The following MTMR3 variants were observed in gnomAD, a reference collection of about 807,000 sequenced individuals.
The protein encoded by MTMR3 is phosphatidylinositol-3,5-bisphosphate 3-phosphatase MTMR3.
Under a neutral mutation model 132.4 loss-of-function variants are expected in MTMR3, and 32 were observed. That is an observed-to-expected ratio of 0.24 (90% CI 0.18 to 0.32). The LOEUF (loss-of-function observed/expected upper bound fraction) is 0.32. Among genes scored for constraint, MTMR3 ranks in the 10% least tolerant of loss-of-function variants. The pLI, the probability that MTMR3 is intolerant of heterozygous loss-of-function variation, is 1.00. For synonymous variants in MTMR3, 556 were observed against 550.3 expected (o/e 1.01, Z -0.14); for missense variants, 1,216 against 1,489.6 (o/e 0.82, Z 3.02).
intron 8 of MTMR3, chr22:30,000,947 A>G (rs1394974466): frequency 6.6e-6 from 1 of 152,192 alleles, no homozygotes; most frequent in African/African-American, 2.4e-5. Flanking sequence ...GTAAAAAAAA[A>G]CTGTGAATTA....
chr22:29,996,743 T>G (rs2067069279), intron 7 of MTMR3: 1 of 152,216 alleles, frequency 6.6e-6, no homozygotes, highest in African/African-American at 2.4e-5. Flanking sequence ...TCCCCTTTTT[T>G]TGAGACAGGG....
chr22:30,018,189 A>G, intron 16 of MTMR3, 117 bp downstream of exon 16: 1 of 1,161,556 alleles, frequency 8.6e-7, no homozygotes, highest in Non-Finnish European at 1.1e-6. Context: ...TATCTTTCTT[A>G]GGTCTCTGCA....
chr22:29,957,263 A>AT (rs57003371), intron 2 of MTMR3, among the ~76,000 whole-genome samples, 175 bp downstream of exon 2: 39 of 147,554 alleles, frequency 2.6e-4, no homozygotes, highest in Middle Eastern at 3.6e-3. Flanking sequence ...ACATGTGATT[A>AT]TTTTTTTTTT....
At chr22:29,962,522 AT>A (rs1482564051) in intron 2 of MTMR3, among the ~76,000 whole-genome samples, 2 of 152,014 alleles carry the variant, frequency 1.3e-5, no homozygotes, top group Non-Finnish European at 2.9e-5. Context: ...AAAAATAAAA[AT>A]AGCCGGGTGT....
chr22:29,904,506 C>A (rs1048415508), intron 1 of MTMR3, among the ~76,000 whole-genome samples: 26 of 152,330 alleles, frequency 1.7e-4, no homozygotes, highest in African/African-American at 5.3e-4. Context: ...AGTTCTTTAA[C>A]TTCTCTGAGT....
At chr22:29,919,257 G>T (rs545077894) in intron 1 of MTMR3, among the ~76,000 whole-genome samples, 3 of 152,066 alleles carry the variant, frequency 2.0e-5, no homozygotes, top group Admixed American at 6.6e-5. Context: ...CAATTCTTTA[G>T]CAAGGCATAT....
intron 7 of MTMR3, chr22:29,993,689 G>C (rs1271167572): frequency 1.3e-5 from 2 of 152,118 alleles, no homozygotes; most frequent in Admixed American, 6.5e-5. Flanking sequence ...GTTTCTTTTA[G>C]ATTTCAGCAA....
chr22:29,929,319 T>G (rs2065592768), intron 1 of MTMR3, among the ~76,000 whole-genome samples: 1 of 152,016 alleles, frequency 6.6e-6, no homozygotes, highest in African/African-American at 2.4e-5. Flanking sequence ...TTTCCACCAG[T>G]GCCAGTACTT....
At chr22:30,003,843 A>G (rs986864413) in intron 9 of MTMR3, 1 of 152,164 alleles carries the variant, frequency 6.6e-6, no homozygotes, top group Non-Finnish European at 1.5e-5. Flanking sequence ...TATTCTGGAA[A>G]TGTTTTGGAT....
Position 29,896,900 on chromosome 22 carries a change from CACAT to C in MTMR3, c.-138+13545_-138+13548del, listed in dbSNP as rs1398004658. 5.8e-3 allele frequency among the ~76,000 whole-genome samples: 879 copies of C among 150,566 alleles called. 9 individuals carry two copies. Among genetic ancestry groups the C allele is most frequent in the African/African-American group, 0.015 (632 of 41,090 alleles). On this transcript the variant is annotated intron_variant, in intron 1 of 19. Transcript: ENST00000401950. ...ACACACACACACACACACACACACA[CACAT>C]ACACACACACAAATCCCATATAGAA...
chr22:30,007,095 T>C lies in MTMR3; in HGVS notation c.672-19T>C. On this transcript the variant is annotated intron_variant, in intron 9 of 19. Transcript: ENST00000401950. Reference sequence around the variant, plus strand: ...AGCATCTGAATGGGTACAGTTGTTGTCTCTTGTTCCTCACACAGGCACCAG... The same window carrying C: ...AGCATCTGAATGGGTACAGTTGTTGCCTCTTGTTCCTCACACAGGCACCAG... The C allele has an allele frequency of 6.2e-7, 1 of 1,612,482 alleles. No individual in the cohort carries two copies. The highest frequency in any genetic ancestry group is 1.3e-5 in the African/African-American group (1 of 75,008).
At chr22:29,935,992 T>A (rs957259353) in intron 1 of MTMR3, among the ~76,000 whole-genome samples, 1 of 152,042 alleles carries the variant, frequency 6.6e-6, no homozygotes, top group Non-Finnish European at 1.5e-5. Context: ...GACCTCATGA[T>A]CCGCCCTCTT....
intron 1 of MTMR3, among the ~76,000 whole-genome samples, chr22:29,924,005 T>A (rs1182906010): frequency 5.9e-5 from 9 of 152,236 alleles, no homozygotes; most frequent in Non-Finnish European, 8.8e-5. Flanking sequence ...TTGTACTCTG[T>A]TGATAGTGCC....
chr22:29,930,578 G>A (rs1239024597), intron 1 of MTMR3, among the ~76,000 whole-genome samples: 1 of 152,188 alleles, frequency 6.6e-6, no homozygotes, highest in East Asian at 1.9e-4. Flanking sequence ...TGTAGTCCCA[G>A]CTACCTGGGA....
At chr22:29,891,346 T>C (rs1207838448) in intron 1 of MTMR3, among the ~76,000 whole-genome samples, 2 of 150,108 alleles carry the variant, frequency 1.3e-5, no homozygotes, top group Non-Finnish European at 3.0e-5. Context: ...TGTATATATT[T>C]AATATATATG....
chr22:29,978,315 G>C (rs1365523139), intron 3 of MTMR3, 127 bp from the exon 4 acceptor site: 1 of 619,014 alleles, frequency 1.6e-6, no homozygotes, highest in Non-Finnish European at 2.8e-6. Flanking sequence ...TTGTTTCCTT[G>C]AGCTTTTCTG....
chr22:29,978,702 ACT>A (rs2066679148), intron 4 of MTMR3, among the ~76,000 whole-genome samples, 171 bp downstream of exon 4: 2 of 152,184 alleles, frequency 1.3e-5, no homozygotes, highest in Non-Finnish European at 2.9e-5. Flanking sequence ...CTGAGAATCC[ACT>A]GTTTAAGATG....
chr22:29,956,174 A>G (rs1465224377), intron 1 of MTMR3, among the ~76,000 whole-genome samples: 1 of 152,234 alleles, frequency 6.6e-6, no homozygotes, highest in African/African-American at 2.4e-5. Flanking sequence ...AATTGTCACA[A>G]AGGAACAGGT....
At chr22:29,921,537 A>G (rs962103545) in intron 1 of MTMR3, among the ~76,000 whole-genome samples, 4 of 151,904 alleles carry the variant, frequency 2.6e-5, no homozygotes, top group African/African-American at 9.7e-5. Context: ...TGAAATTCCT[A>G]TTTTACTGTG....
Sources: gnomAD v4.1 joint callset for allele counts (sites outside exome capture counted in the v4.1 genomes callset) on GRCh38, gnomAD v4.1.1 for gene constraint, MANE v1.5 for transcripts, NCBI Gene and HGNC (gene_info 2026-07-23, HGNC 2026-07-21) for gene names.